Variants in ATE1 observed in about 807,000 individuals in gnomAD.
ATE1 encodes the protein arginyltransferase 1, also known as arginyl-tRNA--protein transferase 1.
ATE1 carries 36 observed loss-of-function variants against 70.5 expected under a neutral mutation model. The observed-to-expected ratio is 0.51, with a 90% confidence interval of 0.39 to 0.67. The LOEUF is 0.67. ATE1 is among the 30% of genes least tolerant of loss of function. The pLI is 0.00. For synonymous variants in ATE1, 232 were observed against 219.3 expected (o/e 1.06, Z -0.51); for missense variants, 593 against 629.5 (o/e 0.94, Z 0.62).
chr10:121,870,852 ATTG>A (rs1949830308), intron 7 of ATE1, among the ~76,000 whole-genome samples: 1 of 152,202 alleles, frequency 6.6e-6, no homozygotes, highest in Non-Finnish European at 1.5e-5. Flanking sequence ...TAATGTTTTC[ATTG>A]TTGTTATTTA....
chr10:121,753,901 T>C (rs773628372), intron 11 of ATE1, among the ~76,000 whole-genome samples: 1 of 152,218 alleles, frequency 6.6e-6, no homozygotes, highest in Non-Finnish European at 1.5e-5. Context: ...GAGTTCAGGC[T>C]GGCAGGACTG....
intron 10 of ATE1, among the ~76,000 whole-genome samples, chr10:121,821,946 T>C (rs1438095693): frequency 6.6e-6 from 1 of 152,334 alleles, no homozygotes; most frequent in Middle Eastern, 3.4e-3. Context: ...ATGCTGCCAG[T>C]GGGATCGCAA....
At chr10:121,899,688 G>A (rs1243297669) in intron 7 of ATE1, among the ~76,000 whole-genome samples, 178 bp downstream of exon 7, 1 of 152,142 alleles carries the variant, frequency 6.6e-6, no homozygotes, top group Non-Finnish European at 1.5e-5. Context: ...ACTTAACATG[G>A]CACTAGGTAA....
intron 11 of ATE1, among the ~76,000 whole-genome samples, chr10:121,749,937 T>C (rs917690074): frequency 1.3e-5 from 2 of 152,242 alleles, no homozygotes; most frequent in African/African-American, 4.8e-5. Flanking sequence ...ATTATCATTA[T>C]AGGCAAAACA....
intron 8 of ATE1, among the ~76,000 whole-genome samples, chr10:121,856,076 C>CAAAAA (rs34106606): frequency 7.9e-6 from 1 of 125,800 alleles, no homozygotes. Flanking sequence ...AACTATATCT[C>CAAAAA]AAAAAAAAAA....
intron 10 of ATE1, among the ~76,000 whole-genome samples, chr10:121,835,683 A>G (rs1948406700): frequency 6.6e-6 from 1 of 152,142 alleles, no homozygotes; most frequent in South Asian, 2.1e-4. Flanking sequence ...ATATGATGAA[A>G]TTGTGATTAC....
chr10:121,849,070 G>C (rs1180774317), intron 8 of ATE1, among the ~76,000 whole-genome samples: 5 of 151,812 alleles, frequency 3.3e-5, no homozygotes, highest in Admixed American at 2.6e-4. Flanking sequence ...AATTAGCCAG[G>C]CATGGTGGCA....
intron 10 of ATE1, among the ~76,000 whole-genome samples, chr10:121,802,803 A>G (rs921977731): frequency 6.6e-6 from 1 of 152,218 alleles, no homozygotes; most frequent in African/African-American, 2.4e-5. Context: ...GGACTTAAGC[A>G]TGGTCCTTAG....
chr10:121,770,935 C>T (rs529702122), intron 11 of ATE1, among the ~76,000 whole-genome samples: 2 of 152,140 alleles, frequency 1.3e-5, no homozygotes, highest in South Asian at 2.1e-4. Context: ...AATAAAGAAA[C>T]ATTTCACATG....
intron 11 of ATE1, among the ~76,000 whole-genome samples, chr10:121,766,760 C>T (rs953057123): frequency 2.0e-5 from 3 of 152,082 alleles, no homozygotes; most frequent in Admixed American, 1.3e-4. Flanking sequence ...TGGACAAGTG[C>T]CCTATAAAGA....
At chr10:121,818,392 C>T (rs778047738) in intron 10 of ATE1, among the ~76,000 whole-genome samples, 4 of 151,592 alleles carry the variant, frequency 2.6e-5, no homozygotes, top group African/African-American at 7.3e-5. Flanking sequence ...AACATCAGCA[C>T]GTGAACATAA....
intron 10 of ATE1, among the ~76,000 whole-genome samples, chr10:121,836,443 A>T (rs1485049443): frequency 6.6e-6 from 1 of 152,184 alleles, no homozygotes; most frequent in African/African-American, 2.4e-5. Context: ...TACTCAGGAA[A>T]CATCAAAGAG....
intron 10 of ATE1, among the ~76,000 whole-genome samples, chr10:121,791,754 G>A (rs527490970): frequency 3.2e-4 from 48 of 152,192 alleles, no homozygotes; most frequent in African/African-American, 1.1e-3. Flanking sequence ...AATGCTTACC[G>A]ATGTTATGTT....
chr10:121,744,428 T>C (rs1243639349), intron 11 of ATE1, among the ~76,000 whole-genome samples: 1 of 151,990 alleles, frequency 6.6e-6, no homozygotes, highest in Non-Finnish European at 1.5e-5. Context: ...ACAAAATGTG[T>C]CTAATTAGAA....
In ATE1 at chr10:121,817,401, C is replaced by T. The variant is rs190282801; in HGVS notation, c.1257+19317G>A. Among the ~76,000 whole-genome samples the T allele has an allele frequency of 8.2e-4, 125 of 152,196 alleles. 1 individual carries two copies. The highest frequency in any genetic ancestry group is 1.3e-3 in the Non-Finnish European group (86 of 67,984). The stretch of plus-strand genomic sequence containing the variant: ...GACACACAAAAAAATTAGCCGGGCG[C>T]AGTGGCGGGCGCCTGTAGTCCCAGC... On this transcript the variant is annotated intron_variant, in intron 10 of 11. Transcript: ENST00000224652.
At chr10:121,793,815 C>G (rs1946548448) in intron 10 of ATE1, among the ~76,000 whole-genome samples, 2 of 152,112 alleles carry the variant, frequency 1.3e-5, no homozygotes, top group Non-Finnish European at 2.9e-5. Context: ...ATATGAAAAT[C>G]TGATGTGTGG....
chr10:121,795,659 A>C (rs1418973192), intron 10 of ATE1, among the ~76,000 whole-genome samples: 2 of 152,230 alleles, frequency 1.3e-5, no homozygotes, highest in African/African-American at 4.8e-5. Flanking sequence ...GGCTCATTTC[A>C]GTGTTTCAGA....
Position 121,801,550 on chromosome 10 carries a change from TAA to T in ATE1, c.1258-11263_1258-11262del, listed in dbSNP as rs1564849298. On this transcript the variant is annotated intron_variant, in intron 10 of 11. Transcript: ENST00000224652. The stretch of plus-strand genomic sequence containing the variant: ...GAATGAAAGATGAAGACAAAGAAGA[TAA>T]TATAAAGAGAGAAAGAAAAACTCTA... Among the ~76,000 whole-genome samples, 4 of 151,304 alleles carry T rather than the reference TAA, an allele frequency of 2.6e-5. No homozygotes were observed. In the East Asian group the frequency reaches 7.8e-4, roughly 29 times the overall value.
Position 121,927,879 on chromosome 10 carries a change from C to A in ATE1, c.71G>T (p.Gly24Val), listed in dbSNP as rs755886141. The A allele has an allele frequency of 1.3e-6, 2 of 1,589,642 alleles. No homozygotes were observed. The highest frequency in any genetic ancestry group is 1.7e-5 in the Admixed American group (1 of 57,982). Residue 24 changes from glycine (G) to valine (V), a missense_variant, in exon 1 of 12, where the codon GGC becomes GTC. Gly to Val is a moderately radical substitution (Grantham distance 109, BLOSUM62 -3). Coordinates refer to ENST00000224652, the MANE Select transcript of ATE1 (RefSeq NM_001001976.3). ...GCTGCCCGACTCGTTCTTGCAGTAG[C>A]CGCAGCGGTAGAAGTCCTCGCTAGG... The part of the protein sequence containing the change: ...YFPSEDFYRC[G>V]YCKNESGSRS...
Sources: allele counts gnomAD v4.1 joint callset (sites outside exome capture counted in the v4.1 genomes callset), GRCh38; gene constraint gnomAD v4.1.1; transcripts MANE v1.5; gene names NCBI Gene and HGNC (gene_info 2026-07-23, HGNC 2026-07-21).